Variants in STXBP3 observed in about 807,000 individuals in gnomAD.
STXBP3 encodes syntaxin binding protein 3, also known as syntaxin-binding protein 3.
In STXBP3, 41 loss-of-function variants were observed where a neutral mutation model predicts 85.7. The observed-to-expected ratio is 0.48, with a 90% confidence interval of 0.37 to 0.62. STXBP3 has a LOEUF of 0.62. Ranked by LOEUF, STXBP3 falls within the 20% of genes least tolerant of loss-of-function variation. The pLI is 0.00. For synonymous variants in STXBP3, 229 were observed against 231.7 expected, an observed-to-expected ratio of 0.99 and a Z score of 0.10; for missense variants, 563 against 703.1, an observed-to-expected ratio of 0.80 and a Z score of 2.25.
chr1:108,767,100 TCC>T, intron 6 of STXBP3: 1 of 330,970 alleles, frequency 3.0e-6, no homozygotes, highest in Non-Finnish European at 5.9e-6. Flanking sequence ...TGGCTTCTCC[TCC>T]CTCTGCTGTT....
chr1:108,780,622 GC>G (rs1341759585), intron 9 of STXBP3: 1 of 149,238 alleles, frequency 6.7e-6, no homozygotes, highest in Admixed American at 6.7e-5. Flanking sequence ...CCCTGCCTCG[GC>G]CTCCCAAAGT....
chr1:108,807,445 A>G lies in STXBP3; in HGVS notation c.1580A>G (p.Asn527Ser), dbSNP rs143767674. 2.8e-5 allele frequency: 45 copies of G among 1,612,488 alleles called. No individual in the cohort carries two copies. In the Admixed American group the frequency reaches 7.2e-4, roughly 26 times the overall value. Residue 527 changes from asparagine to serine, a missense_variant, in exon 18 of 19, where the codon AAT becomes AGT. Physicochemically the swap from Asn to Ser is conservative, Grantham distance 46. This residue lies in a region of STXBP3 where 494 missense variants were observed against 592.8 expected (regional missense o/e 0.83). Transcript: ENST00000370008. ...PRANYLEDRK[N>S]GSKLIVFVIG... Reference sequence around the variant, plus strand: ...GCTAATTATTTAGAAGACCGAAAAAATGGGTCAAAGCTGATTGTTTTTGTA... The same window carrying G: ...GCTAATTATTTAGAAGACCGAAAAAGTGGGTCAAAGCTGATTGTTTTTGTA...
At chr1:108,796,418 T>A in intron 14 of STXBP3, 46 bp downstream of exon 14, 1 of 1,348,400 alleles carries the variant, frequency 7.4e-7, no homozygotes, top group Non-Finnish European at 1.0e-6. Context: ...CTATTGATCA[T>A]AAAAGAATCT....
chr1:108,773,327 ATAC>A (rs1376525163), intron 7 of STXBP3, among the ~76,000 whole-genome samples: 2 of 152,176 alleles, frequency 1.3e-5, no homozygotes, highest in African/African-American at 4.8e-5. Context: ...TAAATTGTCT[ATAC>A]AGTAAGTCCT....
At chr1:108,765,570 ATTTTTTT>A (rs35813823) in intron 6 of STXBP3, among the ~76,000 whole-genome samples, 2 of 67,168 alleles carry the variant, frequency 3.0e-5, no homozygotes, top group African/African-American at 6.0e-5. Flanking sequence ...CCACATGCTA[ATTTTTTT>A]TTTTTTTTTT....
chr1:108,771,476 ATC>A (rs1337376927), intron 6 of STXBP3, among the ~76,000 whole-genome samples: 1 of 87,718 alleles, frequency 1.1e-5, no homozygotes, highest in Non-Finnish European at 2.2e-5. Flanking sequence ...TATGATATAT[ATC>A]TATATATATC....
At position 108,771,299 on chromosome 1, in the gene STXBP3, A is replaced by G. The variant is rs1209182771; in HGVS notation, c.439-1366A>G. On this transcript the variant is annotated intron_variant, in intron 6 of 18. Transcript: ENST00000370008. The stretch of plus-strand genomic sequence containing the variant: ...AAGGTAAAGACACAGTTGTTTCAGG[A>G]AACAGCATGGTTAGTGCAAGTATTT... Among the ~76,000 whole-genome samples the G allele has an allele frequency of 4.8e-5, 7 of 146,116 alleles. No individual in the cohort carries two copies. The Admixed American group carries it at 5.1e-4, about 11-fold the overall frequency.
Position 108,796,655 on chromosome 1 carries a change from A to C in STXBP3, c.1285A>C (p.Asn429His). ...AGAAAATTTGGACAGGTTGATCCAG[A>C]ATGTAAAGATAGAAAATGAGAGTGA... ...TEENLDRLIQ[N>H]VKIENESDMI... The change falls in exon 15 of 19, where the codon AAT becomes CAT. Residue 429 changes from asparagine (N) to histidine (H), a missense_variant. Physicochemically the swap from Asn to His is moderately conservative, Grantham distance 68 (BLOSUM62 1). Around this residue, in one of 3 missense-constraint regions of STXBP3, gnomAD observed 494 missense variants for 592.8 expected, o/e 0.83. Coordinates refer to ENST00000370008, the MANE Select transcript of STXBP3 (RefSeq NM_007269.4). 1 of 1,613,602 alleles carries C rather than the reference A, an allele frequency of 6.2e-7. No individual in the cohort carries two copies. The highest frequency in any genetic ancestry group is 8.5e-7 in the Non-Finnish European group (1 of 1,179,814).
intron 6 of STXBP3, among the ~76,000 whole-genome samples, chr1:108,771,548 A>C (rs1452741995): frequency 2.7e-5 from 2 of 74,688 alleles, no homozygotes; most frequent in African/African-American, 1.2e-4. Context: ...TATCATATAT[A>C]AATATATATG....
At chr1:108,772,313 AAATACATAT>A (rs1270621742) in intron 6 of STXBP3, among the ~76,000 whole-genome samples, 1 of 71,254 alleles carries the variant, frequency 1.4e-5, no homozygotes, top group Non-Finnish European at 3.2e-5. Context: ...TATCATATAT[AAATACATAT>A]GATATCTGTA....
chr1:108,772,850 C>A, intron 7 of STXBP3, 31 bp downstream of exon 7: 1 of 1,494,292 alleles, frequency 6.7e-7, no homozygotes, highest in South Asian at 1.3e-5. Context: ...ACATGTTATG[C>A]TTCCTATTTA....
At chr1:108,805,168 G>A (rs1663302604) in intron 17 of STXBP3, among the ~76,000 whole-genome samples, 1 of 152,100 alleles carries the variant, frequency 6.6e-6, no homozygotes, top group Non-Finnish European at 1.5e-5. Context: ...GAAATTGTTA[G>A]AATTGTTTTG....
Position 108,779,422 on chromosome 1 carries a change from T to A in STXBP3, c.809+12T>A. 6.2e-7 allele frequency: 1 copy of A among 1,607,084 alleles called. No homozygotes were observed. Among genetic ancestry groups the A allele is most frequent in the Admixed American group, 1.7e-5 (1 of 59,292 alleles). ...AATGATACATACAAGCAAGTATAAC[T>A]TGAAGGGCATATAAAGGGCATATAC... On this transcript the variant is annotated intron_variant, in intron 9 of 18. Transcript: ENST00000370008.
At chr1:108,757,442 A>G (rs1557800588) in intron 4 of STXBP3, among the ~76,000 whole-genome samples, 4 of 152,072 alleles carry the variant, frequency 2.6e-5, no homozygotes. Flanking sequence ...TTTAGTCTCT[A>G]CATGTTGGCT....
intron 7 of STXBP3, 31 bp from the exon 8 acceptor site, chr1:108,776,302 A>G (rs1055786690): frequency 3.4e-6 from 5 of 1,484,800 alleles, no homozygotes; most frequent in African/African-American, 1.4e-5. Context: ...TGAAAGAAAG[A>G]TAATTGTTTG....
rs756264921 is a variant in STXBP3 at position 108,746,732 on chromosome 1, G to C, written c.-6G>C. The C allele has an allele frequency of 6.5e-7, 1 of 1,549,854 alleles. No individual in the cohort carries two copies. Among genetic ancestry groups the C allele is most frequent in the East Asian group, 2.5e-5 (1 of 40,730 alleles). On this transcript the variant is annotated 5_prime_UTR_variant, in exon 1 of 19. Transcript: ENST00000370008. ...GTGGTGGCTGCTGCTCCGCAGTGTC[G>C]GGAAGATGGCGCCGCCGGTGGCAGA... is the stretch of plus-strand genomic sequence containing the variant.
At chr1:108,800,342 T>G (rs754107322) in intron 17 of STXBP3, 37 bp downstream of exon 17, 17 of 1,465,274 alleles carry the variant, frequency 1.2e-5, no homozygotes, top group Admixed American at 3.4e-5. Flanking sequence ...AAATTTTCAT[T>G]CTACGGACTA....
chr1:108,753,440 A>T (rs184253311), intron 3 of STXBP3, among the ~76,000 whole-genome samples: 1 of 152,140 alleles, frequency 6.6e-6, no homozygotes, highest in East Asian at 1.9e-4. Flanking sequence ...ATATTGATAC[A>T]CAAGCTTTAC....
chr1:108,749,532 A>T (rs1010741228), intron 1 of STXBP3, among the ~76,000 whole-genome samples: 15 of 152,336 alleles, frequency 9.8e-5, no homozygotes, highest in African/African-American at 3.6e-4. Context: ...ATATATCCAT[A>T]TTTAGGATGC....
Sources: gnomAD v4.1 joint callset for allele counts (sites outside exome capture counted in the v4.1 genomes callset) on GRCh38, gnomAD v4.1.1 for gene constraint, gnomAD v4.1.1 regional missense constraint, MANE v1.5 for transcripts, NCBI Gene and HGNC (gene_info 2026-07-23, HGNC 2026-07-21) for gene names.